The following LRRFIP2 variants were observed in gnomAD, a reference collection of about 807,000 sequenced individuals.
The protein encoded by LRRFIP2 is LRR binding FLII interacting protein 2, also known as leucine-rich repeat flightless-interacting protein 2.
In LRRFIP2, 109 loss-of-function variants were observed where a neutral mutation model predicts 125.9. That is an observed-to-expected ratio of 0.87 (90% CI 0.74 to 1.01). The LOEUF (loss-of-function observed/expected upper bound fraction) is 1.01, where lower values mean the gene tolerates loss of function less well. LRRFIP2 is among the 50% of genes least tolerant of loss of function. The pLI is 0.00. For synonymous variants in LRRFIP2, 291 were observed against 293.1 expected, an observed-to-expected ratio of 0.99 and a Z score of 0.07; for missense variants, 850 against 862.3, an observed-to-expected ratio of 0.99 and a Z score of 0.18.
intron 6 of LRRFIP2, among the ~76,000 whole-genome samples, chr3:37,120,105 CTT>C (rs201402337): frequency 1.7e-4 from 22 of 129,490 alleles, no homozygotes; most frequent in African/African-American, 2.0e-4. Flanking sequence ...TGTTAATATT[CTT>C]TTTTTTTTTT....
chr3:37,076,331 C>T (rs1049863096), intron 19 of LRRFIP2, among the ~76,000 whole-genome samples: 19 of 151,916 alleles, frequency 1.3e-4, no homozygotes, highest in African/African-American at 4.1e-4. Flanking sequence ...CAAGACCCTG[C>T]CTGGGCAACA....
chr3:37,129,075 T>C lies in LRRFIP2; in HGVS notation c.165A>G (p.Arg55=), dbSNP rs2149684325. ...ARDIRMRELE[R]QQKEYSLHSF... The stretch of plus-strand genomic sequence containing the variant: ...TCCCTCAAATTACCTCTTTTTGTTG[T>C]CGTTCCAGTTCTCTCATGCGTATAT... Residue 55 remains arginine, a synonymous_variant, in exon 3 of 28, where the codon CGA becomes CGG. Coordinates refer to ENST00000336686, the MANE Select transcript of LRRFIP2 (RefSeq NM_006309.4). The C allele has an allele frequency of 1.2e-6, 2 of 1,614,164 alleles. No individual in the cohort carries two copies. Among genetic ancestry groups the C allele is most frequent in the Non-Finnish European group, 1.7e-6 (2 of 1,180,008 alleles).
chr3:37,157,209 G>T (rs1308149863), intron 1 of LRRFIP2, among the ~76,000 whole-genome samples: 3 of 151,964 alleles, frequency 2.0e-5, no homozygotes, highest in African/African-American at 4.8e-5. Context: ...TTGGGAGGCT[G>T]AGGCAGGCGG....
chr3:37,089,454 A>G (rs1487233537), intron 18 of LRRFIP2, among the ~76,000 whole-genome samples: 1 of 152,190 alleles, frequency 6.6e-6, no homozygotes, highest in Non-Finnish European at 1.5e-5. Context: ...GCAATGAGCC[A>G]ACATCCTTTT....
At chr3:37,093,534 A>G (rs1425317137) in intron 17 of LRRFIP2, among the ~76,000 whole-genome samples, 2 of 152,098 alleles carry the variant, frequency 1.3e-5, no homozygotes, top group Non-Finnish European at 2.9e-5. Context: ...TTCACTCCAG[A>G]GCAAGTTTCT....
At chr3:37,145,362 TG>T (rs2095830930) in intron 2 of LRRFIP2, among the ~76,000 whole-genome samples, 1 of 152,354 alleles carries the variant, frequency 6.6e-6, no homozygotes, top group South Asian at 2.1e-4. Flanking sequence ...AGTAAAACTT[TG>T]GATCTGCAAT....
intron 17 of LRRFIP2, among the ~76,000 whole-genome samples, chr3:37,092,389 T>C (rs1038795461): frequency 6.6e-6 from 1 of 152,220 alleles, no homozygotes; most frequent in Admixed American, 6.5e-5. Flanking sequence ...GCCTCCTTCA[T>C]TGCCTCTCCA....
At chr3:37,151,857 G>A (rs766367210) in intron 1 of LRRFIP2, among the ~76,000 whole-genome samples, 10 of 152,148 alleles carry the variant, frequency 6.6e-5, no homozygotes, top group East Asian at 1.9e-4. Context: ...TGCCTGCCTC[G>A]GCCTCCCAAA....
intron 27 of LRRFIP2, 50 bp from the exon 28 acceptor site, chr3:37,054,011 A>G (rs1377069604): frequency 9.3e-7 from 1 of 1,072,622 alleles, no homozygotes. Flanking sequence ...AACAACATCC[A>G]GTGCTACTCT....
In LRRFIP2 at chr3:37,066,123, C is replaced by G; in HGVS notation, c.1566+101G>C. On this transcript the variant is annotated intron_variant, in intron 22 of 27. Coordinates refer to ENST00000336686, the MANE Select transcript of LRRFIP2 (RefSeq NM_006309.4). ...CCAAATCTGGATTAGAGAATAAACA[C>G]TGTAGTTTGTATTTAGGCTAGGAAA... 2.3e-6 allele frequency: 3 copies of G among 1,329,836 alleles called. No individual in the cohort carries two copies. In the Admixed American group the frequency reaches 5.1e-5, roughly 23 times the overall value. The allele number at this position is 1,329,836 out of a possible 1,614,324, so 82.4% of individuals were successfully genotyped here.
At chr3:37,107,537 T>G (rs1284922286) in intron 13 of LRRFIP2, among the ~76,000 whole-genome samples, 1 of 152,244 alleles carries the variant, frequency 6.6e-6, no homozygotes, top group Non-Finnish European at 1.5e-5. Context: ...TGGGGAATTT[T>G]ACTTTGAATT....
chr3:37,135,244 A>G (rs985091393), intron 2 of LRRFIP2: 9 of 613,548 alleles, frequency 1.5e-5, no homozygotes, highest in Admixed American at 1.3e-4. Flanking sequence ...GCTGATCACT[A>G]GGTCAGGAGT....
chr3:37,151,508 T>C (rs1464105529), intron 1 of LRRFIP2, among the ~76,000 whole-genome samples: 1 of 152,194 alleles, frequency 6.6e-6, no homozygotes, highest in Non-Finnish European at 1.5e-5. Flanking sequence ...GATTATTCAC[T>C]TACCTAATAG....
chr3:37,168,822 G>C (rs570871298), intron 1 of LRRFIP2, among the ~76,000 whole-genome samples: 1 of 152,258 alleles, frequency 6.6e-6, no homozygotes, highest in Non-Finnish European at 1.5e-5. Flanking sequence ...AGGCTGGAAC[G>C]CAGTGCCTAT....
chr3:37,111,342 G>A (rs1415636424), intron 8 of LRRFIP2, among the ~76,000 whole-genome samples: 3 of 152,132 alleles, frequency 2.0e-5, no homozygotes, highest in African/African-American at 7.2e-5. Context: ...CCATACTTAA[G>A]AAAGTCCTTG....
chr3:37,119,197 C>T (rs1008423812), intron 6 of LRRFIP2, among the ~76,000 whole-genome samples: 1 of 151,986 alleles, frequency 6.6e-6, no homozygotes, highest in African/African-American at 2.4e-5. Flanking sequence ...TATACATTGA[C>T]GTTTTTAAAT....
chr3:37,078,279 T>C (rs1000992953), intron 19 of LRRFIP2, among the ~76,000 whole-genome samples: 4 of 152,162 alleles, frequency 2.6e-5, no homozygotes, highest in African/African-American at 9.6e-5. Flanking sequence ...CTATTTCAAG[T>C]AACTTCTAAA....
chr3:37,153,776 G>A (rs1223152696), intron 1 of LRRFIP2, among the ~76,000 whole-genome samples: 3 of 151,844 alleles, frequency 2.0e-5, no homozygotes, highest in African/African-American at 7.3e-5. Context: ...AGAACTTCCT[G>A]TCTATCTTCC....
chr3:37,119,977 A>G (rs1163347878), intron 6 of LRRFIP2, among the ~76,000 whole-genome samples: 1 of 151,564 alleles, frequency 6.6e-6, no homozygotes, highest in African/African-American at 2.4e-5. Flanking sequence ...AAAATATTTA[A>G]AGAGAAAAAA....
Sources: gnomAD v4.1 joint callset for allele counts (sites outside exome capture counted in the v4.1 genomes callset) on GRCh38, gnomAD v4.1.1 for gene constraint, MANE v1.5 for transcripts, NCBI Gene and HGNC (gene_info 2026-07-23, HGNC 2026-07-21) for gene names.